Variants in ACACA observed in about 807,000 individuals in gnomAD.
The protein encoded by ACACA is acetyl-CoA carboxylase 1.
A neutral mutation model predicts 296.1 loss-of-function variants in ACACA; 103 were observed. The ratio of observed to expected loss-of-function variants is 0.35; its 90% CI spans 0.30 to 0.41. The LOEUF (loss-of-function observed/expected upper bound fraction) is 0.41. ACACA is among the 10% of genes least tolerant of loss of function. The pLI is 1.00. For synonymous variants in ACACA, 953 were observed against 1,038.6 expected, an observed-to-expected ratio of 0.92 and a Z score of 1.58; for missense variants, 1,554 against 2,989.7, an observed-to-expected ratio of 0.52 and a Z score of 11.20.
intron 14 of ACACA, among the ~76,000 whole-genome samples, chr17:37,257,141 T>A (rs904667540): frequency 6.6e-6 from 1 of 152,214 alleles, no homozygotes; most frequent in South Asian, 2.1e-4. Flanking sequence ...TAAGCTGTTA[T>A]ATACAGCATG....
chr17:37,312,582 T>C (rs976363098), intron 3 of ACACA, among the ~76,000 whole-genome samples: 3 of 152,234 alleles, frequency 2.0e-5, no homozygotes, highest in Admixed American at 6.5e-5. Context: ...TCTTGGGCTT[T>C]ACTCTGAAAG....
At chr17:37,240,624 A>G (rs1480051926) in intron 23 of ACACA, 60 bp from the exon 24 acceptor site, 13 of 1,419,004 alleles carry the variant, frequency 9.2e-6, no homozygotes, top group Non-Finnish European at 1.2e-5. Flanking sequence ...TAAGCAATAA[A>G]CCCAAAGGCC....
chr17:37,315,237 C>A (rs1353456351), intron 3 of ACACA, among the ~76,000 whole-genome samples: 1 of 152,178 alleles, frequency 6.6e-6, no homozygotes, highest in Non-Finnish European at 1.5e-5. Context: ...GGATTACAGG[C>A]GTGAGCCACC....
intron 10 of ACACA, among the ~76,000 whole-genome samples, chr17:37,269,758 T>C (rs1442819105): frequency 9.3e-6 from 1 of 107,678 alleles, no homozygotes; most frequent in Non-Finnish European, 1.7e-5. Flanking sequence ...CTAAGTGTTT[T>C]AAGGGAAAAA....
At chr17:37,124,111 C>T (rs937776738) in intron 48 of ACACA, among the ~76,000 whole-genome samples, 13 of 152,208 alleles carry the variant, frequency 8.5e-5, no homozygotes, top group African/African-American at 3.1e-4. Context: ...GCAGCACTTA[C>T]AGTAACAATC....
At chr17:37,205,262 A>G (rs1347512561) in intron 33 of ACACA, among the ~76,000 whole-genome samples, 2 of 152,036 alleles carry the variant, frequency 1.3e-5, no homozygotes, top group African/African-American at 4.8e-5. Flanking sequence ...TTATGAGGGG[A>G]TTGGAGAGGG....
At chr17:37,380,332 G>T (rs895689221) in intron 1 of ACACA, among the ~76,000 whole-genome samples, 1 of 150,742 alleles carries the variant, frequency 6.6e-6, no homozygotes, top group African/African-American at 2.4e-5. Flanking sequence ...GCTAGATGAC[G>T]AGTTAGTGGG....
At chr17:37,193,343 T>G (rs766321486) in intron 36 of ACACA, 31 bp downstream of exon 36, 1 of 1,531,882 alleles carries the variant, frequency 6.5e-7, no homozygotes, top group Non-Finnish European at 9.0e-7. Context: ...AGTAATTTTT[T>G]TTTTTAAATA....
At chr17:37,398,256 T>C (rs1465492122) in intron 1 of ACACA, among the ~76,000 whole-genome samples, 1 of 131,318 alleles carries the variant, frequency 7.6e-6, no homozygotes, top group Non-Finnish European at 1.6e-5. Flanking sequence ...CAGTTTGGCC[T>C]CCTCTTCTAG....
chr17:37,330,224 A>T lies in ACACA; in HGVS notation c.287T>A (p.Leu96His). The change falls in exon 3 of 56, where the codon CTC (leucine) becomes CAC (histidine). Residue 96 changes from leucine (L) to histidine (H), a missense_variant. Physicochemically the swap from Leu to His is moderately conservative, Grantham distance 99. This residue lies in a region of ACACA where 140 missense variants were observed against 147.7 expected (regional missense o/e 0.95). Transcript: ENST00000616317. ...LSPASVGSDT[L>H]SDLGISSLQD... ...TAGGCTAGAGATCCCCAAATCAGAG[A>T]GTGTATCTGAGCCAACAGAAGCAGG... 6.2e-7 allele frequency: 1 copy of T among 1,614,154 alleles called. No homozygotes were observed. Among genetic ancestry groups the T allele is most frequent in the Non-Finnish European group, 8.5e-7 (1 of 1,180,020 alleles).
chr17:37,380,402 G>T (rs2050194409), intron 1 of ACACA, among the ~76,000 whole-genome samples: 2 of 151,554 alleles, frequency 1.3e-5, no homozygotes, highest in South Asian at 4.2e-4. Context: ...ATGTGCACAT[G>T]TACCCTAAAA....
chr17:37,199,185 A>C (rs910125272), intron 35 of ACACA, among the ~76,000 whole-genome samples: 6 of 151,718 alleles, frequency 4.0e-5, no homozygotes, highest in African/African-American at 1.5e-4. Context: ...GGTTGCAGTG[A>C]GCTGAGATTG....
chr17:37,134,326 T>C (rs768502360), intron 45 of ACACA, among the ~76,000 whole-genome samples: 6 of 152,204 alleles, frequency 3.9e-5, no homozygotes, highest in Non-Finnish European at 8.8e-5. Context: ...CTTTCCCCCA[T>C]GCTCCAGACG....
intron 42 of ACACA, among the ~76,000 whole-genome samples, chr17:37,158,426 T>C (rs1446710874): frequency 6.6e-6 from 1 of 152,076 alleles, no homozygotes; most frequent in Non-Finnish European, 1.5e-5. Flanking sequence ...GCTCAGGAAT[T>C]CGAGACCAGC....
intron 42 of ACACA, among the ~76,000 whole-genome samples, chr17:37,158,729 T>C (rs189322043): frequency 3.9e-5 from 6 of 152,272 alleles, no homozygotes; most frequent in African/African-American, 1.4e-4. Flanking sequence ...AATCACTTTT[T>C]TCCTTCTACC....
intron 1 of ACACA, among the ~76,000 whole-genome samples, chr17:37,375,081 C>T (rs2049947947): frequency 6.6e-6 from 1 of 152,000 alleles, no homozygotes; most frequent in Non-Finnish European, 1.5e-5. Context: ...TTAATCCCAG[C>T]TATTCAGGAG....
chr17:37,224,824 T>A (rs1346374506), intron 27 of ACACA, among the ~76,000 whole-genome samples, 168 bp downstream of exon 27: 1 of 151,958 alleles, frequency 6.6e-6, no homozygotes, highest in Admixed American at 6.6e-5. Context: ...ATGAAAAAAA[T>A]ATTCATAAGT....
rs75289936 is a variant in ACACA, at chr17:37,217,366, G to C, written c.3683+4358C>G. 1.1e-3 allele frequency among the ~76,000 whole-genome samples: 168 copies of C among 149,622 alleles called. 1 individual carries two copies. The highest frequency in any genetic ancestry group is 4.0e-3 in the African/African-American group (165 of 40,876). On this transcript the variant is annotated intron_variant, in intron 29 of 55. Transcript: ENST00000616317. ...AGCTTACTAAGACACTTCTAACGAT[G>C]TGCTGGACAAATTTTGTCTACTTCA...
intron 2 of ACACA, among the ~76,000 whole-genome samples, chr17:37,333,049 G>A (rs1307148842): frequency 6.6e-6 from 1 of 152,114 alleles, no homozygotes; most frequent in Non-Finnish European, 1.5e-5. Flanking sequence ...GTATGCAGTG[G>A]TCAGTGATAA....
Sources: gnomAD v4.1 joint callset for allele counts (sites outside exome capture counted in the v4.1 genomes callset) on GRCh38, gnomAD v4.1.1 for gene constraint, gnomAD v4.1.1 regional missense constraint, MANE v1.5 for transcripts, NCBI Gene and HGNC (gene_info 2026-07-23, HGNC 2026-07-21) for gene names.